ELAPOR2: variants seen among roughly 807,000 people sequenced by gnomAD.
ELAPOR2 encodes endosome/lysosome-associated apoptosis and autophagy regulator family member 2.
ELAPOR2 carries 89 observed loss-of-function variants against 120.7 expected under a neutral mutation model. That is an observed-to-expected ratio of 0.74 (90% CI 0.62 to 0.88). ELAPOR2 has a LOEUF of 0.88. ELAPOR2 is among the 40% of genes least tolerant of loss of function. ELAPOR2 has a pLI of 0.00. For missense variants in ELAPOR2, 1,134 were observed against 1,251.6 expected (o/e 0.91, Z 1.42); for synonymous variants, 444 against 444.9 (o/e 1.00, Z 0.03).
chr7:86,888,141 T>C (rs77107478), intron 21 of ELAPOR2, among the ~76,000 whole-genome samples: 1,912 of 152,156 alleles, frequency 0.013, 41 homozygotes, highest in African/African-American at 0.043. Context: ...AATGACCACC[T>C]GATGAGTGCA....
At position 87,043,414 on chromosome 7, in the gene ELAPOR2, T is replaced by C. The variant is rs893938988; in HGVS notation, c.189+15911A>G. On this transcript the variant is annotated intron_variant, in intron 1 of 21. Transcript: ENST00000450689. ...AGCACATCAAAAAGCTTATCCACCA[T>C]GATCAAGTGGGCTTCATTCCTGGGA... is the stretch of plus-strand genomic sequence containing the variant. Among the ~76,000 whole-genome samples the C allele has an allele frequency of 1.5e-4, 22 of 151,542 alleles. 1 individual carries two copies. Among genetic ancestry groups the C allele is most frequent in the African/African-American group, 5.1e-4 (21 of 41,130 alleles).
rs750488010 is a variant in ELAPOR2 at position 86,940,001 on chromosome 7, A to G, written c.847+9T>C. 13 of 1,570,192 alleles carry G rather than the reference A, an allele frequency of 8.3e-6. No homozygotes were observed. The Admixed American group carries it at 2.2e-4, about 27-fold the overall frequency. On this transcript the variant is annotated intron_variant, in intron 6 of 21. Coordinates refer to ENST00000450689, the MANE Select transcript of ELAPOR2 (RefSeq NM_001142749.3). ...CTGGTGACTACTAAAACAGAATGCCATGAAATACCTTCAATTGTGATATTT... is the reference window on the plus strand; with the variant it reads ...CTGGTGACTACTAAAACAGAATGCCGTGAAATACCTTCAATTGTGATATTT...
chr7:86,924,188 T>C (rs1231676353), intron 10 of ELAPOR2, among the ~76,000 whole-genome samples: 8 of 152,204 alleles, frequency 5.3e-5, no homozygotes, highest in African/African-American at 1.9e-4. Flanking sequence ...CACACACTAA[T>C]ACTGCAGAGA....
chr7:86,904,041 A>C (rs894610720), intron 18 of ELAPOR2, among the ~76,000 whole-genome samples: 1 of 152,160 alleles, frequency 6.6e-6, no homozygotes. Context: ...TTATGGCATG[A>C]AAAAACCACA....
At chr7:86,962,619 G>A (rs549861443) in intron 2 of ELAPOR2, among the ~76,000 whole-genome samples, 4 of 152,094 alleles carry the variant, frequency 2.6e-5, no homozygotes, top group Non-Finnish European at 4.4e-5. Flanking sequence ...TAGACCTGCC[G>A]CATCCGGGCT....
chr7:87,032,044 T>C (rs935393994), intron 1 of ELAPOR2, among the ~76,000 whole-genome samples: 4 of 152,140 alleles, frequency 2.6e-5, no homozygotes, highest in African/African-American at 9.7e-5. Context: ...GAGGAAGGGT[T>C]AGATTACAAA....
chr7:86,908,925 C>T (rs1789166016), intron 16 of ELAPOR2, among the ~76,000 whole-genome samples: 2 of 151,932 alleles, frequency 1.3e-5, no homozygotes, highest in African/African-American at 4.8e-5. Flanking sequence ...GCTAATACAG[C>T]TTTTTACTCA....
At chr7:87,022,932 T>A (rs1794107910) in intron 1 of ELAPOR2, among the ~76,000 whole-genome samples, 1 of 152,192 alleles carries the variant, frequency 6.6e-6, no homozygotes, top group African/African-American at 2.4e-5. Flanking sequence ...GGTTGTTTTT[T>A]TCTTGTAAAT....
chr7:86,992,130 T>G (rs1792962892), intron 1 of ELAPOR2, among the ~76,000 whole-genome samples: 1 of 152,184 alleles, frequency 6.6e-6, no homozygotes, highest in Non-Finnish European at 1.5e-5. Flanking sequence ...GAAGCTGATT[T>G]TTTTATGGCT....
intron 1 of ELAPOR2, among the ~76,000 whole-genome samples, chr7:86,971,335 T>C (rs571134730): frequency 4.9e-4 from 74 of 152,252 alleles, no homozygotes; most frequent in African/African-American, 1.8e-3. Context: ...TCTCAGGAAA[T>C]TTTCAAAAAA....
chr7:86,915,722 G>C (rs545949297), intron 12 of ELAPOR2, among the ~76,000 whole-genome samples: 9 of 149,872 alleles, frequency 6.0e-5, no homozygotes, highest in African/African-American at 2.2e-4. Context: ...ATGAGCTCAA[G>C]ACAAGTCTCT....
At chr7:86,935,644 A>G (rs1044132579) in intron 8 of ELAPOR2, among the ~76,000 whole-genome samples, 6 of 151,890 alleles carry the variant, frequency 4.0e-5, no homozygotes, top group Non-Finnish European at 8.8e-5. Context: ...GACCTACTAG[A>G]TTAGAAAATC....
chr7:87,003,735 A>G (rs952551081), intron 1 of ELAPOR2, among the ~76,000 whole-genome samples: 20 of 152,156 alleles, frequency 1.3e-4, no homozygotes, highest in Admixed American at 2.0e-4. Context: ...AACATTCATC[A>G]AGGAATGTAA....
intron 18 of ELAPOR2, among the ~76,000 whole-genome samples, chr7:86,902,324 C>T (rs1231498303): frequency 6.6e-6 from 1 of 151,990 alleles, no homozygotes; most frequent in Non-Finnish European, 1.5e-5. Context: ...TTACAGGCGC[C>T]CGCCACAATG....
chr7:86,978,627 G>C (rs1440823241), intron 1 of ELAPOR2, among the ~76,000 whole-genome samples: 1 of 152,204 alleles, frequency 6.6e-6, no homozygotes, highest in Non-Finnish European at 1.5e-5. Flanking sequence ...GAAGGAGGCT[G>C]AGGCAAGAAC....
chr7:86,885,761 A>G (rs540977212), intron 21 of ELAPOR2, among the ~76,000 whole-genome samples: 1 of 152,274 alleles, frequency 6.6e-6, no homozygotes, highest in Non-Finnish European at 1.5e-5. Context: ...GAAAAGGGAA[A>G]ATAATGTGAT....
chr7:87,005,154 CCACAGTGAG>C (rs1315472383), intron 1 of ELAPOR2, among the ~76,000 whole-genome samples: 1 of 151,936 alleles, frequency 6.6e-6, no homozygotes, highest in Non-Finnish European at 1.5e-5. Flanking sequence ...CCTTATGGGC[CCACAGTGAG>C]ACAGTTTATA....
intron 1 of ELAPOR2, among the ~76,000 whole-genome samples, chr7:86,965,400 C>T (rs1791868902): frequency 6.6e-6 from 1 of 152,168 alleles, no homozygotes; most frequent in Admixed American, 6.5e-5. Context: ...CTGTCATTGT[C>T]CCATGTGTTT....
intron 2 of ELAPOR2, among the ~76,000 whole-genome samples, chr7:86,950,647 G>A (rs1791207486): frequency 1.3e-5 from 2 of 152,136 alleles, no homozygotes; most frequent in Admixed American, 1.3e-4. Context: ...GCTGTGCATG[G>A]TAGCCTGAAC....
Sources: allele counts gnomAD v4.1 joint callset (sites outside exome capture counted in the v4.1 genomes callset), GRCh38; gene constraint gnomAD v4.1.1; transcripts MANE v1.5; gene names NCBI Gene and HGNC (gene_info 2026-07-23, HGNC 2026-07-21).